The following PLCE1 variants were observed in gnomAD, a reference collection of about 807,000 sequenced individuals.
PLCE1 encodes 1-phosphatidylinositol 4,5-bisphosphate phosphodiesterase epsilon-1.
A neutral mutation model predicts 242.8 loss-of-function variants in PLCE1; 119 were observed. The ratio of observed to expected loss-of-function variants is 0.49; its 90% CI spans 0.42 to 0.57. PLCE1 has a LOEUF of 0.57. Among genes scored for constraint, PLCE1 ranks in the 20% least tolerant of loss-of-function variants. The pLI is 0.00. For synonymous variants in PLCE1, 945 were observed against 1,017.4 expected (o/e 0.93, Z 1.35); for missense variants, 2,441 against 2,788.8 (o/e 0.88, Z 2.81).
intron 7 of PLCE1, among the ~76,000 whole-genome samples, chr10:94,237,277 A>G (rs1372967099): frequency 1.3e-5 from 2 of 152,192 alleles, no homozygotes; most frequent in Admixed American, 1.3e-4. Context: ...ATGAAGCTTT[A>G]CAATGTGGCT....
chr10:94,188,862 C>A (rs1432835070), intron 4 of PLCE1, among the ~76,000 whole-genome samples: 2 of 152,098 alleles, frequency 1.3e-5, no homozygotes, highest in African/African-American at 2.4e-5. Flanking sequence ...GCCTTGGCCT[C>A]CCAAAGTGCC....
At chr10:94,060,103 G>A (rs1277790848) in intron 2 of PLCE1, among the ~76,000 whole-genome samples, 1 of 151,698 alleles carries the variant, frequency 6.6e-6, no homozygotes, top group Admixed American at 6.6e-5. Flanking sequence ...TGGTATGTAG[G>A]TCAGGATTAG....
At chr10:94,241,677 C>G (rs1341159356) in intron 7 of PLCE1, among the ~76,000 whole-genome samples, 1 of 151,726 alleles carries the variant, frequency 6.6e-6, no homozygotes, top group Non-Finnish European at 1.5e-5. Context: ...GTAATCCCAA[C>G]TACTCAGGAG....
intron 3 of PLCE1, among the ~76,000 whole-genome samples, chr10:94,147,484 G>A (rs11498520): frequency 6.7e-6 from 1 of 149,958 alleles, no homozygotes; most frequent in African/African-American, 2.5e-5. Context: ...GGAGAGAAAG[G>A]AAGAAAGAAA....
chr10:94,245,017 C>T (rs747740238), intron 7 of PLCE1, among the ~76,000 whole-genome samples: 1 of 152,156 alleles, frequency 6.6e-6, no homozygotes, highest in African/African-American at 2.4e-5. Flanking sequence ...AGGTACTTCT[C>T]AAGCCAGCCT....
intron 3 of PLCE1, among the ~76,000 whole-genome samples, chr10:94,140,838 C>A (rs574826599): frequency 1.3e-5 from 2 of 152,128 alleles, no homozygotes; most frequent in Admixed American, 1.3e-4. Context: ...AGTATTGTGA[C>A]CTTGAAATTA....
chr10:94,306,721 T>C lies in PLCE1; in HGVS notation c.5884+33T>C. ...AAAATTGTCCAAATGTTAATAATTG[T>C]TGTAGCTAGGTGATGGATGCCAGAA... On this transcript the variant is annotated intron_variant, in intron 26 of 32. Coordinates refer to ENST00000371380, the MANE Select transcript of PLCE1 (RefSeq NM_016341.4). The surrounding 1 kb of genome is among the most constrained non-coding windows in gnomAD (Gnocchi z 5.7). 1.3e-6 allele frequency: 2 copies of C among 1,543,158 alleles called. No homozygotes were observed. Among genetic ancestry groups the C allele is most frequent in the Non-Finnish European group, 1.8e-6 (2 of 1,123,268 alleles).
chr10:94,096,874 G>A (rs1415710340), intron 2 of PLCE1: 2 of 152,224 alleles, frequency 1.3e-5, no homozygotes, highest in East Asian at 3.8e-4. Context: ...AAGAAGGTGA[G>A]TTCTAGAGAG....
intron 3 of PLCE1, among the ~76,000 whole-genome samples, chr10:94,166,145 T>G (rs971557220): frequency 6.6e-6 from 1 of 152,242 alleles, no homozygotes; most frequent in Non-Finnish European, 1.5e-5. Flanking sequence ...TTTACAAAAT[T>G]ATTTTTTACC....
chr10:94,099,572 T>C (rs2045443094), intron 2 of PLCE1: 1 of 152,118 alleles, frequency 6.6e-6, no homozygotes, highest in African/African-American at 2.4e-5. Context: ...AGGAGGGAGC[T>C]ATCATATCAA....
intron 3 of PLCE1, among the ~76,000 whole-genome samples, chr10:94,149,715 A>G (rs140602325): frequency 1.8e-4 from 27 of 152,230 alleles, no homozygotes; most frequent in African/African-American, 6.5e-4. Flanking sequence ...AAAATCTCCC[A>G]ATTCCCTTCC....
At chr10:94,193,855 C>T (rs1196302147) in intron 4 of PLCE1, among the ~76,000 whole-genome samples, 2 of 152,240 alleles carry the variant, frequency 1.3e-5, no homozygotes, top group Non-Finnish European at 2.9e-5. Context: ...CATATAAACA[C>T]CAGGCGGGCT....
chr10:94,278,463 C>T (rs1475829519), intron 19 of PLCE1, among the ~76,000 whole-genome samples: 1 of 152,138 alleles, frequency 6.6e-6, no homozygotes, highest in Non-Finnish European at 1.5e-5. Context: ...ATTATTTATG[C>T]TCAATTTATA....
chr10:94,001,935 A>G (rs1456111979), intron 1 of PLCE1, among the ~76,000 whole-genome samples: 1 of 152,208 alleles, frequency 6.6e-6, no homozygotes, highest in African/African-American at 2.4e-5. Flanking sequence ...AATTTGGATG[A>G]CAGAGCAGAG....
intron 2 of PLCE1, among the ~76,000 whole-genome samples, chr10:94,093,657 A>T (rs538482004): frequency 1.1e-3 from 164 of 152,278 alleles, no homozygotes; most frequent in African/African-American, 3.8e-3. Flanking sequence ...GCTCCCATTT[A>T]TCTCAGGCCT....
intron 2 of PLCE1, among the ~76,000 whole-genome samples, chr10:94,056,010 T>G (rs2043894261): frequency 6.6e-6 from 1 of 152,208 alleles, no homozygotes; most frequent in African/African-American, 2.4e-5. Context: ...GACTCCCTTC[T>G]GAGGTGCTGC....
chr10:94,266,038 C>A, intron 16 of PLCE1, 80 bp downstream of exon 16: 1 of 1,336,742 alleles, frequency 7.5e-7, no homozygotes, highest in Non-Finnish European at 1.1e-6. Flanking sequence ...AAAACCTGAC[C>A]CCAGACTCCT....
At position 94,329,423 on chromosome 10, in the gene PLCE1, A is replaced by C. The variant is rs980692813; in HGVS notation, c.*1480A>C. ...AAACTTCACTTTGAGAAACTTTTTT[A>C]ACCAATTATAAAAATAAAACCATCC... On this transcript the variant is annotated 3_prime_UTR_variant, in exon 33 of 33. Coordinates refer to ENST00000371380, the MANE Select transcript of PLCE1 (RefSeq NM_016341.4). The C allele has an allele frequency of 1.3e-5, 2 of 152,204 alleles. No individual in the cohort carries two copies. The highest frequency in any genetic ancestry group is 2.9e-5 in the Non-Finnish European group (2 of 68,046). 9.4% of individuals were successfully genotyped at this position (152,204 alleles called of 1,614,324 possible).
At chr10:94,180,769 C>G (rs543918315) in intron 4 of PLCE1, among the ~76,000 whole-genome samples, 3 of 152,260 alleles carry the variant, frequency 2.0e-5, no homozygotes, top group African/African-American at 7.2e-5. Context: ...GGATTAAGGC[C>G]CTTGTAAAAG....
Sources: allele counts gnomAD v4.1 joint callset (sites outside exome capture counted in the v4.1 genomes callset), GRCh38; gene constraint gnomAD v4.1.1; non-coding constraint Gnocchi (gnomAD v3.1); transcripts MANE v1.5; gene names NCBI Gene and HGNC (gene_info 2026-07-23, HGNC 2026-07-21).